The following CACNA2D3 variants were observed in gnomAD, a reference collection of about 807,000 sequenced individuals.
CACNA2D3 encodes the protein voltage-dependent calcium channel subunit alpha-2/delta-3.
Under a neutral mutation model 160.6 loss-of-function variants are expected in CACNA2D3, and 60 were observed. That is an observed-to-expected ratio of 0.37 (90% CI 0.30 to 0.46). CACNA2D3 has a LOEUF of 0.46. Ranked by LOEUF, CACNA2D3 falls within the 20% of genes least tolerant of loss-of-function variation. CACNA2D3 has a pLI of 1.00. For synonymous variants in CACNA2D3, 558 were observed against 492.9 expected, an observed-to-expected ratio of 1.13 and a Z score of -1.75; for missense variants, 1,205 against 1,365.0, an observed-to-expected ratio of 0.88 and a Z score of 1.85.
intron 2 of CACNA2D3, among the ~76,000 whole-genome samples, chr3:54,191,619 G>A (rs1170759696): frequency 6.6e-6 from 1 of 152,088 alleles, no homozygotes; most frequent in African/African-American, 2.4e-5. Context: ...GCTTGTGCCT[G>A]GTGCTGGGAG....
At chr3:54,767,991 C>G (rs1188645720) in intron 13 of CACNA2D3, among the ~76,000 whole-genome samples, 3 of 152,068 alleles carry the variant, frequency 2.0e-5, no homozygotes, top group African/African-American at 7.3e-5. Context: ...TGCTGACTGG[C>G]AAATGAGGAG....
intron 2 of CACNA2D3, among the ~76,000 whole-genome samples, chr3:54,196,292 G>C (rs1266559459): frequency 3.3e-5 from 5 of 152,296 alleles, no homozygotes; most frequent in Admixed American, 3.3e-4. Flanking sequence ...GGATAGTAAA[G>C]AAGATGTCAC....
At chr3:54,800,486 C>T (rs1304318734) in intron 13 of CACNA2D3, among the ~76,000 whole-genome samples, 4 of 152,090 alleles carry the variant, frequency 2.6e-5, no homozygotes, top group Non-Finnish European at 2.9e-5. Flanking sequence ...TTAATTGGAA[C>T]CTTATTTTTC....
intron 2 of CACNA2D3, among the ~76,000 whole-genome samples, chr3:54,314,521 CAGT>C (rs1249697204): frequency 2.0e-5 from 3 of 152,194 alleles, no homozygotes; most frequent in Non-Finnish European, 4.4e-5. Context: ...ACATTCCCAC[CAGT>C]AGTGTAGAAG....
intron 31 of CACNA2D3, among the ~76,000 whole-genome samples, chr3:55,003,651 G>A (rs1217756352): frequency 2.0e-5 from 3 of 152,066 alleles, no homozygotes; most frequent in Admixed American, 2.0e-4. Context: ...GAAACGAGTG[G>A]GCCTAAATGG....
chr3:54,286,309 A>T (rs1703025049), intron 2 of CACNA2D3, among the ~76,000 whole-genome samples: 1 of 152,252 alleles, frequency 6.6e-6, no homozygotes, highest in Non-Finnish European at 1.5e-5. Context: ...GGATGCGATC[A>T]ACTGGAAGAA....
intron 28 of CACNA2D3, among the ~76,000 whole-genome samples, chr3:54,968,905 A>C (rs961353301): frequency 1.4e-4 from 22 of 152,210 alleles, no homozygotes; most frequent in African/African-American, 4.3e-4. Flanking sequence ...TAGTTTCTCC[A>C]AAACATGTAT....
chr3:54,798,679 G>A (rs1178211826), intron 13 of CACNA2D3, among the ~76,000 whole-genome samples: 1 of 152,202 alleles, frequency 6.6e-6, no homozygotes, highest in African/African-American at 2.4e-5. Context: ...TGCGTCATAG[G>A]GCATTTTTCC....
At chr3:54,831,132 T>C (rs1291758067) in intron 14 of CACNA2D3, among the ~76,000 whole-genome samples, 2 of 152,210 alleles carry the variant, frequency 1.3e-5, no homozygotes, top group Non-Finnish European at 1.5e-5. Context: ...TAGCTTTTGT[T>C]CTTGACTTGG....
intron 15 of CACNA2D3, among the ~76,000 whole-genome samples, chr3:54,837,961 C>G (rs1279304283): frequency 6.6e-6 from 1 of 152,134 alleles, no homozygotes; most frequent in Non-Finnish European, 1.5e-5. Flanking sequence ...CTTGGGGGGA[C>G]ACTGTTCAAC....
intron 2 of CACNA2D3, among the ~76,000 whole-genome samples, chr3:54,316,322 G>A: frequency 6.6e-6 from 1 of 152,044 alleles, no homozygotes; most frequent in East Asian, 1.9e-4. Flanking sequence ...AGTTACTAAG[G>A]GCTTTTGATT....
chr3:54,999,198 TGAC>T (rs753938368), intron 31 of CACNA2D3, among the ~76,000 whole-genome samples: 54 of 152,208 alleles, frequency 3.5e-4, no homozygotes, highest in Non-Finnish European at 6.9e-4. Context: ...GATGAGATGA[TGAC>T]TGATACGAGC....
chr3:54,708,691 A>C (rs1289584810), intron 11 of CACNA2D3, among the ~76,000 whole-genome samples: 1 of 152,202 alleles, frequency 6.6e-6, no homozygotes, highest in Non-Finnish European at 1.5e-5. Flanking sequence ...TTGTAAGTTA[A>C]GCCATAATTT....
chr3:54,779,212 C>T (rs189304206), intron 13 of CACNA2D3, among the ~76,000 whole-genome samples: 1 of 152,218 alleles, frequency 6.6e-6, no homozygotes, highest in East Asian at 1.9e-4. Context: ...ATTCTCCTGC[C>T]TCAGCCTCCC....
At chr3:54,479,748 A>G (rs960765631) in intron 4 of CACNA2D3, among the ~76,000 whole-genome samples, 5 of 152,216 alleles carry the variant, frequency 3.3e-5, no homozygotes, top group Non-Finnish European at 5.9e-5. Context: ...AAGTTATTTA[A>G]GCACTTATCA....
At chr3:54,650,749 C>T (rs539345553) in intron 11 of CACNA2D3, among the ~76,000 whole-genome samples, 84 of 152,274 alleles carry the variant, frequency 5.5e-4, no homozygotes, top group Non-Finnish European at 1.1e-3. Context: ...GTTCTACCTG[C>T]CTCAGTCTCC....
At chr3:54,195,180 C>T (rs1462847615) in intron 2 of CACNA2D3, among the ~76,000 whole-genome samples, 4 of 151,956 alleles carry the variant, frequency 2.6e-5, no homozygotes, top group Non-Finnish European at 5.9e-5. Context: ...CTGGGTTAGG[C>T]CCAGGAATCA....
At chr3:54,463,491 G>C (rs372774339) in intron 4 of CACNA2D3, among the ~76,000 whole-genome samples, 2 of 151,910 alleles carry the variant, frequency 1.3e-5, no homozygotes, top group Non-Finnish European at 2.9e-5. Context: ...TCTTTTTTCT[G>C]TAAACTTCTC....
chr3:54,764,118 G>C (rs1575464215), intron 12 of CACNA2D3, 100 bp from the exon 13 acceptor site: 10 of 1,319,332 alleles, frequency 7.6e-6, no homozygotes, highest in African/African-American at 5.8e-5. Flanking sequence ...GAAAAAAGAA[G>C]GAAACTAGCT....
Sources: allele counts gnomAD v4.1 joint callset (sites outside exome capture counted in the v4.1 genomes callset), GRCh38; gene constraint gnomAD v4.1.1; transcripts MANE v1.5; gene names NCBI Gene and HGNC (gene_info 2026-07-23, HGNC 2026-07-21).